The following DNAH3 variants were observed in gnomAD, a reference collection of about 807,000 sequenced individuals.
The protein encoded by DNAH3 is dynein axonemal heavy chain 3, also known as axonemal beta dynein heavy chain 3.
Under a neutral mutation model 432.5 loss-of-function variants are expected in DNAH3, and 332 were observed. That is an observed-to-expected ratio of 0.77 (90% CI 0.70 to 0.84). DNAH3 has a LOEUF of 0.84. DNAH3 is among the 40% of genes least tolerant of loss of function. The pLI, the probability that DNAH3 is intolerant of heterozygous loss-of-function variation, is 0.00. For missense variants in DNAH3, 4,861 were observed against 5,114.0 expected (o/e 0.95, Z 1.51); for synonymous variants, 1,956 against 1,900.2 (o/e 1.03, Z -0.76).
intron 41 of DNAH3, among the ~76,000 whole-genome samples, chr16:21,011,379 C>T (rs925057340): frequency 2.6e-5 from 4 of 152,160 alleles, no homozygotes; most frequent in African/African-American, 9.7e-5. Context: ...CTCACTGTAT[C>T]ACCCAGGCTG....
intron 41 of DNAH3, among the ~76,000 whole-genome samples, chr16:21,012,003 C>T (rs770600486): frequency 6.6e-6 from 1 of 152,144 alleles, no homozygotes; most frequent in Non-Finnish European, 1.5e-5. Context: ...TGCTCAAAGT[C>T]ACCCCAGTAT....
intron 51 of DNAH3, among the ~76,000 whole-genome samples, chr16:20,970,926 G>A (rs757129446): frequency 2.1e-4 from 31 of 149,334 alleles, no homozygotes; most frequent in South Asian, 8.5e-4. Context: ...CTGTAGCAGC[G>A]GTGCTATCTC....
intron 49 of DNAH3, among the ~76,000 whole-genome samples, chr16:20,980,279 A>ATATATTATAATATACATCG: frequency 7.3e-6 from 1 of 137,878 alleles, no homozygotes; most frequent in South Asian, 2.4e-4. Context: ...AATATACATC[A>ATATATTATAATATACATCG]TATATTATAA....
At position 21,070,603 on chromosome 16, in the gene DNAH3, G is replaced by A. The variant is rs563915106; in HGVS notation, c.3201+107C>T. On this transcript the variant is annotated intron_variant, in intron 22 of 61. Transcript: ENST00000261383. ...ATTTATTTATTTATTTTTCCAATTA[G>A]GACAAAGTGACTTTCTTTGTTAACT... The A allele has an allele frequency of 2.9e-4, 214 of 731,056 alleles. No homozygotes were observed. In the African/African-American group the frequency reaches 3.2e-3, roughly 11 times the overall value. The allele number at this position is 731,056 out of a possible 1,614,324, so 45.3% of individuals were successfully genotyped here.
At chr16:20,944,799 A>ACACC in intron 57 of DNAH3, 136 bp from the exon 58 acceptor site, 1 of 814,268 alleles carries the variant, frequency 1.2e-6, no homozygotes, top group Admixed American at 2.3e-5. Context: ...ACACACACAC[A>ACACC]CACGCTGGGA....
chr16:21,111,869 T>A (rs1194833576), intron 13 of DNAH3, 65 bp from the exon 14 acceptor site: 1 of 1,586,004 alleles, frequency 6.3e-7, no homozygotes. Context: ...GCCCCCAGCC[T>A]AACCCCTGGC....
intron 10 of DNAH3, chr16:21,121,017 T>C (rs16970914): frequency 0.046 from 32,742 of 705,224 alleles, 1,374 homozygotes; most frequent in East Asian, 0.2. Context: ...AAGAGAAGAA[T>C]GCTTGGGCCT....
chr16:21,029,903 T>C (rs2088785772), intron 37 of DNAH3, among the ~76,000 whole-genome samples: 1 of 152,138 alleles, frequency 6.6e-6, no homozygotes, highest in African/African-American at 2.4e-5. Flanking sequence ...AGGCTCACAG[T>C]AGCCATGACT....
chr16:20,950,860 T>A (rs2084279723), intron 56 of DNAH3, among the ~76,000 whole-genome samples: 1 of 152,192 alleles, frequency 6.6e-6, no homozygotes, highest in Non-Finnish European at 1.5e-5. Flanking sequence ...TCTTGCTCTG[T>A]CACCCAGGCT....
chr16:20,973,291 C>T (rs1332532699), intron 51 of DNAH3, among the ~76,000 whole-genome samples: 1 of 151,850 alleles, frequency 6.6e-6, no homozygotes, highest in Non-Finnish European at 1.5e-5. Context: ...CTTGCTCTGT[C>T]ACTGAGGCTG....
chr16:20,961,271 C>A (rs1713629264), intron 53 of DNAH3, among the ~76,000 whole-genome samples: 1 of 151,956 alleles, frequency 6.6e-6, no homozygotes, highest in Non-Finnish European at 1.5e-5. Context: ...TTTGCGGAGG[C>A]AAAGTTAAAA....
At chr16:21,154,496 G>C (rs950239640) in intron 1 of DNAH3, among the ~76,000 whole-genome samples, 1 of 152,104 alleles carries the variant, frequency 6.6e-6, no homozygotes, top group Non-Finnish European at 1.5e-5. Context: ...CTGAAATTTA[G>C]TGTGTTTTAA....
chr16:21,056,562 A>T (rs974544504), intron 27 of DNAH3, among the ~76,000 whole-genome samples: 3 of 152,124 alleles, frequency 2.0e-5, no homozygotes, highest in African/African-American at 7.2e-5. Flanking sequence ...TGTCTGTCTC[A>T]TTCACATCTA....
chr16:20,998,046 A>G (rs758871600), intron 43 of DNAH3, among the ~76,000 whole-genome samples: 4 of 152,040 alleles, frequency 2.6e-5, no homozygotes, highest in Non-Finnish European at 5.9e-5. Context: ...AAACAAAAAG[A>G]AAACAGGCAT....
At chr16:21,159,391 C>T in exon 1 of DNAH3, 7 of 1,614,132 alleles carry the variant, frequency 4.3e-6, no homozygotes, top group Non-Finnish European at 5.9e-6. Context: ...AGGCTGGGCC[C>T]GGATGGGGAG....
intron 51 of DNAH3, among the ~76,000 whole-genome samples, chr16:20,971,430 C>T (rs1480057540): frequency 2.6e-5 from 4 of 152,080 alleles, no homozygotes; most frequent in African/African-American, 9.7e-5. Context: ...GCAGGAGGGC[C>T]ACAGCCCTGA....
intron 54 of DNAH3, among the ~76,000 whole-genome samples, chr16:20,955,740 G>GT (rs1400031692): frequency 6.6e-6 from 1 of 152,046 alleles, no homozygotes; most frequent in Non-Finnish European, 1.5e-5. Flanking sequence ...CATTTGAAAT[G>GT]TGCCTTGAAA....
intron 9 of DNAH3, 113 bp from the exon 11 acceptor site, chr16:21,122,237 G>T: frequency 1.2e-6 from 1 of 856,658 alleles, no homozygotes; most frequent in Non-Finnish European, 1.8e-6. Flanking sequence ...GCAATGAAGG[G>T]CATCATACAC....
intron 41 of DNAH3, among the ~76,000 whole-genome samples, chr16:21,012,567 C>CT (rs2087654866): frequency 1.3e-5 from 2 of 152,142 alleles, no homozygotes; most frequent in Non-Finnish European, 2.9e-5. Flanking sequence ...TCAACCACCC[C>CT]TGCCAATCAG....
Sources: gnomAD v4.1 joint callset for allele counts (sites outside exome capture counted in the v4.1 genomes callset) on GRCh38, gnomAD v4.1.1 for gene constraint, MANE v1.5 for transcripts, NCBI Gene and HGNC (gene_info 2026-07-23, HGNC 2026-07-21) for gene names.